SFMBT2: variants seen among roughly 807,000 people sequenced by gnomAD.
SFMBT2 encodes the protein Scm like with four mbt domains 2, also known as scm-like with four MBT domains protein 2.
A neutral mutation model predicts 110.1 loss-of-function variants in SFMBT2; 38 were observed. The observed-to-expected ratio is 0.35, with a 90% CI of 0.27 to 0.45. SFMBT2 has a LOEUF of 0.45. SFMBT2 is among the 20% of genes least tolerant of loss of function. The pLI, the probability that SFMBT2 is intolerant of heterozygous loss-of-function variation, is 1.00. For missense variants in SFMBT2, 1,011 were observed against 1,094.9 expected, an observed-to-expected ratio of 0.92 and a Z score of 1.08; for synonymous variants, 425 against 425.4, an observed-to-expected ratio of 1.00 and a Z score of 0.01.
chr10:7,171,299 C>G lies in SFMBT2; in HGVS notation c.2416-243G>C. The G allele has an allele frequency of 1.2e-6, 1 of 862,188 alleles. No individual in the cohort carries two copies. The highest frequency in any genetic ancestry group is 5.3e-5 in the South Asian group (1 of 18,798). The allele number at this position is 862,188 out of a possible 1,614,324, so 53.4% of individuals were successfully genotyped here. ...AAGAAGGCAGGCACAGTGACAGTCG[C>G]TCTTGCATCCCTAGTTCAGGAAACC... On this transcript the variant is annotated intron_variant, in intron 19 of 20. Coordinates refer to ENST00000397167, the MANE Select transcript of SFMBT2 (RefSeq NM_001387889.1). The surrounding 1 kb of genome is among the most constrained non-coding windows in gnomAD (Gnocchi z 4.9).
At chr10:7,220,919 CG>C (rs1373495382) in intron 10 of SFMBT2, among the ~76,000 whole-genome samples, 1 of 151,792 alleles carries the variant, frequency 6.6e-6, no homozygotes, top group Non-Finnish European at 1.5e-5. Context: ...TTCCGCCTCC[CG>C]GGTTCACGCC....
intron 1 of SFMBT2, among the ~76,000 whole-genome samples, chr10:7,392,546 T>G (rs1845798051): frequency 6.6e-6 from 1 of 152,184 alleles, no homozygotes; most frequent in South Asian, 2.1e-4. Context: ...CCTGCCACTG[T>G]AATTTGTAAT....
chr10:7,212,404 T>C (rs1041944314), intron 11 of SFMBT2, among the ~76,000 whole-genome samples: 1 of 152,212 alleles, frequency 6.6e-6, no homozygotes, highest in Non-Finnish European at 1.5e-5. Context: ...TGTAAAAACA[T>C]GGTGCTTTGT....
At chr10:7,341,200 T>C (rs1208607335) in intron 4 of SFMBT2, among the ~76,000 whole-genome samples, 1 of 152,186 alleles carries the variant, frequency 6.6e-6, no homozygotes, top group Admixed American at 6.5e-5. Context: ...TCCAAGCTCG[T>C]ATCAGGGGCA....
At chr10:7,363,119 T>C in intron 4 of SFMBT2, among the ~76,000 whole-genome samples, 1 of 152,138 alleles carries the variant, frequency 6.6e-6, no homozygotes, top group Non-Finnish European at 1.5e-5. Flanking sequence ...CCCCACATGT[T>C]GTGGGAGGGA....
chr10:7,351,853 T>C (rs145631102), intron 4 of SFMBT2, among the ~76,000 whole-genome samples: 107 of 147,816 alleles, frequency 7.2e-4, no homozygotes, highest in African/African-American at 2.7e-3. Flanking sequence ...TCAAGGCCTA[T>C]TAAAGCCTCT....
intron 6 of SFMBT2, among the ~76,000 whole-genome samples, chr10:7,282,785 C>A (rs545397539): frequency 6.6e-6 from 1 of 152,166 alleles, no homozygotes; most frequent in East Asian, 1.9e-4. Context: ...ACATCGGCAA[C>A]TAATATGGGA....
At chr10:7,376,046 C>G (rs1299456581) in intron 2 of SFMBT2, among the ~76,000 whole-genome samples, 2 of 152,202 alleles carry the variant, frequency 1.3e-5, no homozygotes, top group African/African-American at 4.8e-5. Context: ...CTCACCCTGT[C>G]TAAATGTGCA....
At chr10:7,208,876 T>A (rs985336539) in intron 11 of SFMBT2, among the ~76,000 whole-genome samples, 1 of 152,164 alleles carries the variant, frequency 6.6e-6, no homozygotes, top group East Asian at 1.9e-4. Flanking sequence ...AATCCTTTGA[T>A]CATCTTTCCC....
chr10:7,215,071 A>G (rs1411741831), intron 11 of SFMBT2, among the ~76,000 whole-genome samples: 1 of 152,228 alleles, frequency 6.6e-6, no homozygotes, highest in East Asian at 1.9e-4. Context: ...CCTTCTAAAT[A>G]GGAGGAAAAG....
intron 15 of SFMBT2, among the ~76,000 whole-genome samples, chr10:7,190,759 C>T (rs2131580917): frequency 6.6e-6 from 1 of 152,276 alleles, no homozygotes; most frequent in South Asian, 2.1e-4. Flanking sequence ...GGAGCCTGCC[C>T]CTGCCCCCAA....
intron 2 of SFMBT2, among the ~76,000 whole-genome samples, chr10:7,372,824 A>G (rs1349614257): frequency 6.6e-6 from 1 of 152,240 alleles, no homozygotes; most frequent in African/African-American, 2.4e-5. Flanking sequence ...TGCTGCAGAC[A>G]AAGTCCAGAG....
At chr10:7,179,847 T>C (rs889884959) in intron 16 of SFMBT2, among the ~76,000 whole-genome samples, 5 of 152,234 alleles carry the variant, frequency 3.3e-5, no homozygotes, top group Non-Finnish European at 7.3e-5. Flanking sequence ...AGTGTTTCAG[T>C]AAAAACTTTC....
chr10:7,180,227 C>T (rs576020899), intron 16 of SFMBT2, among the ~76,000 whole-genome samples: 68 of 151,970 alleles, frequency 4.5e-4, no homozygotes, highest in African/African-American at 9.9e-4. Flanking sequence ...TGGGTTCTAG[C>T]GATTCTCATG....
Position 7,249,650 on chromosome 10 carries a change from A to G in SFMBT2, c.871-1001T>C, listed in dbSNP as rs962051971. On this transcript the variant is annotated intron_variant, in intron 7 of 20. Transcript: ENST00000397167. ...CTCCAACGACGCCACTCTATATCCA[A>G]CTCTGAGGACTGCACAGAGCCCAGT... The G allele has an allele frequency of 9.9e-6, 6 of 604,974 alleles. No homozygotes were observed. In the African/African-American group the frequency reaches 1.2e-4, roughly 12 times the overall value. The allele number at this position is 604,974 out of a possible 1,614,324, so 37.5% of individuals were successfully genotyped here.
At position 7,164,246 on chromosome 10, in the gene SFMBT2, G is replaced by C. The variant is rs554363524; in HGVS notation, c.2545-336C>G. ...TACAAAAAATTTAAAAATTAGCTGG[G>C]CATGGTGGTGCAAACCTGTGATGCC... is the stretch of plus-strand genomic sequence containing the variant. On this transcript the variant is annotated intron_variant, in intron 20 of 20. Coordinates refer to ENST00000397167, the MANE Select transcript of SFMBT2 (RefSeq NM_001387889.1). 8 of 624,306 alleles carry C rather than the reference G, an allele frequency of 1.3e-5. No individual in the cohort carries two copies. The African/African-American group carries it at 1.6e-4, about 12-fold the overall frequency. 38.7% of individuals were successfully genotyped at this position (624,306 alleles called of 1,614,324 possible).
chr10:7,273,042 G>A (rs10905140), intron 7 of SFMBT2, among the ~76,000 whole-genome samples: 78,313 of 152,004 alleles, frequency 0.52, 20,740 homozygotes, highest in East Asian at 0.8. Context: ...TGATCTGCCC[G>A]TCTCGGCCTC....
At chr10:7,317,015 G>A (rs185574038) in intron 4 of SFMBT2, among the ~76,000 whole-genome samples, 12 of 152,212 alleles carry the variant, frequency 7.9e-5, no homozygotes, top group African/African-American at 1.4e-4. Context: ...GCTCACAACT[G>A]TGTACTAAAT....
chr10:7,229,174 CCA>C (rs1030339865), intron 9 of SFMBT2, among the ~76,000 whole-genome samples: 2 of 152,134 alleles, frequency 1.3e-5, no homozygotes, highest in African/African-American at 4.8e-5. Flanking sequence ...TCCAAATCCC[CCA>C]GTTTCTTTTC....
Sources: allele counts gnomAD v4.1 joint callset (sites outside exome capture counted in the v4.1 genomes callset), GRCh38; gene constraint gnomAD v4.1.1; non-coding constraint Gnocchi (gnomAD v3.1); transcripts MANE v1.5; gene names NCBI Gene and HGNC (gene_info 2026-07-23, HGNC 2026-07-21).